THSD7B: variants seen among roughly 807,000 people sequenced by gnomAD.
THSD7B encodes thrombospondin type-1 domain-containing protein 7B.
A neutral mutation model predicts 213.6 loss-of-function variants in THSD7B; 138 were observed. That is an observed-to-expected ratio of 0.65 (90% confidence interval 0.56 to 0.74). The LOEUF (loss-of-function observed/expected upper bound fraction) is 0.74. Ranked by LOEUF, THSD7B falls within the 30% of genes least tolerant of loss-of-function variation. The pLI is 0.00. For missense variants in THSD7B, 1,931 were observed against 1,991.5 expected, an observed-to-expected ratio of 0.97 and a Z score of 0.58; for synonymous variants, 742 against 687.0, an observed-to-expected ratio of 1.08 and a Z score of -1.25.
chr2:137,078,650 T>C (rs953018424), intron 3 of THSD7B, among the ~76,000 whole-genome samples: 2 of 152,150 alleles, frequency 1.3e-5, no homozygotes, highest in Non-Finnish European at 2.9e-5. Flanking sequence ...GCTTTCTTTA[T>C]GTATGTATAT....
chr2:137,027,349 C>A (rs778026574), intron 2 of THSD7B, among the ~76,000 whole-genome samples: 3 of 152,132 alleles, frequency 2.0e-5, no homozygotes, highest in Non-Finnish European at 2.9e-5. Flanking sequence ...TTCCATATGG[C>A]AGCTCCTCTA....
chr2:137,239,086 G>A (rs1681842722), intron 9 of THSD7B, among the ~76,000 whole-genome samples: 1 of 151,984 alleles, frequency 6.6e-6, no homozygotes, highest in South Asian at 2.1e-4. Context: ...AAAGCAGTAG[G>A]TTCTCAACCA....
At chr2:136,988,017 A>T (rs940222223) in intron 2 of THSD7B, among the ~76,000 whole-genome samples, 1 of 152,228 alleles carries the variant, frequency 6.6e-6, no homozygotes, top group African/African-American at 2.4e-5. Flanking sequence ...TTGAAATATA[A>T]TATGCATTCC....
intron 15 of THSD7B, among the ~76,000 whole-genome samples, chr2:137,562,894 A>G (rs1681152248): frequency 6.6e-6 from 1 of 152,132 alleles, no homozygotes; most frequent in Non-Finnish European, 1.5e-5. Context: ...TGAGAGCTGG[A>G]CCATCTAATA....
At chr2:137,450,616 T>C (rs965132979) in intron 14 of THSD7B, among the ~76,000 whole-genome samples, 4 of 152,328 alleles carry the variant, frequency 2.6e-5, no homozygotes, top group South Asian at 2.1e-4. Context: ...CACTTTTTCC[T>C]GTTCCTTTCA....
At chr2:137,313,355 G>A (rs991177532) in intron 12 of THSD7B, among the ~76,000 whole-genome samples, 1 of 151,816 alleles carries the variant, frequency 6.6e-6, no homozygotes, top group East Asian at 1.9e-4. Context: ...TTTTCCATTT[G>A]CTTGGTAGAT....
At chr2:137,366,033 A>C (rs113968441) in intron 12 of THSD7B, among the ~76,000 whole-genome samples, 5,712 of 152,118 alleles carry the variant, frequency 0.038, 373 homozygotes, top group African/African-American at 0.13. Flanking sequence ...AAATGTGGCA[A>C]ATATACACCA....
At chr2:137,279,659 A>G (rs990567935) in intron 12 of THSD7B, among the ~76,000 whole-genome samples, 2 of 152,162 alleles carry the variant, frequency 1.3e-5, no homozygotes, top group African/African-American at 2.4e-5. Flanking sequence ...AGATTGGGGA[A>G]GGGAGGAGGA....
chr2:137,268,746 A>G (rs553871971), intron 10 of THSD7B, among the ~76,000 whole-genome samples: 1 of 152,254 alleles, frequency 6.6e-6, no homozygotes, highest in African/African-American at 2.4e-5. Flanking sequence ...TGCCTTAACC[A>G]TCTGGAAATG....
At chr2:137,190,806 C>T (rs1304807747) in intron 7 of THSD7B, among the ~76,000 whole-genome samples, 1 of 152,206 alleles carries the variant, frequency 6.6e-6, no homozygotes, top group Non-Finnish European at 1.5e-5. Context: ...GGGATTGCAC[C>T]TTTTCCCTCG....
chr2:137,660,801 G>T (rs1558875012), intron 25 of THSD7B, among the ~76,000 whole-genome samples: 1 of 152,116 alleles, frequency 6.6e-6, no homozygotes, highest in Non-Finnish European at 1.5e-5. Context: ...ATATCATTTT[G>T]TGATACTTTC....
chr2:136,792,211 C>T (rs573408163), intron 1 of THSD7B, among the ~76,000 whole-genome samples: 7 of 152,050 alleles, frequency 4.6e-5, no homozygotes, highest in Admixed American at 3.3e-4. Flanking sequence ...CCTAAAATTT[C>T]CTCTGTGAGG....
At chr2:136,968,229 T>G (rs1187149642) in intron 2 of THSD7B, among the ~76,000 whole-genome samples, 2 of 152,166 alleles carry the variant, frequency 1.3e-5, no homozygotes, top group African/African-American at 4.8e-5. Context: ...ATTAGCATTA[T>G]TTGGAGGTCT....
intron 5 of THSD7B, among the ~76,000 whole-genome samples, chr2:137,156,800 T>C (rs1204329967): frequency 6.6e-6 from 1 of 152,164 alleles, no homozygotes; most frequent in Non-Finnish European, 1.5e-5. Context: ...GCTTGCCTAC[T>C]GTGTGCCTGA....
intron 3 of THSD7B, among the ~76,000 whole-genome samples, chr2:137,081,389 T>C (rs1455597539): frequency 1.3e-5 from 2 of 152,150 alleles, no homozygotes; most frequent in Non-Finnish European, 2.9e-5. Flanking sequence ...CTTTATCTCA[T>C]CTTATTTATC....
intron 7 of THSD7B, among the ~76,000 whole-genome samples, chr2:137,202,856 G>A (rs6430688): frequency 0.59 from 89,847 of 151,998 alleles, 26,917 homozygotes; most frequent in South Asian, 0.71. Flanking sequence ...TCTTGATAGA[G>A]AGATAAACAG....
chr2:137,462,925 A>T (rs1274721198), intron 15 of THSD7B, among the ~76,000 whole-genome samples: 1 of 152,086 alleles, frequency 6.6e-6, no homozygotes, highest in Non-Finnish European at 1.5e-5. Context: ...GCTAAGATCT[A>T]CGGTAAGAGG....
chr2:137,566,564 C>A (rs1373949118), intron 16 of THSD7B, among the ~76,000 whole-genome samples: 1 of 152,176 alleles, frequency 6.6e-6, no homozygotes, highest in African/African-American at 2.4e-5. Flanking sequence ...TCCTGCCATG[C>A]AGTATCCACC....
chr2:137,583,135 T>G (rs1456518122), intron 17 of THSD7B, among the ~76,000 whole-genome samples: 1 of 152,256 alleles, frequency 6.6e-6, no homozygotes, highest in Non-Finnish European at 1.5e-5. Flanking sequence ...GCATAAAATG[T>G]CTTCATTTGA....
Sources: allele counts gnomAD v4.1 joint callset (sites outside exome capture counted in the v4.1 genomes callset), GRCh38; gene constraint gnomAD v4.1.1; transcripts MANE v1.5; gene names NCBI Gene and HGNC (gene_info 2026-07-23, HGNC 2026-07-21).